Variants in TUBA1C observed in about 807,000 individuals in gnomAD.
TUBA1C encodes the protein tubulin alpha-1C chain.
In TUBA1C, 16 loss-of-function variants were observed where a neutral mutation model predicts 34.9. The ratio of observed to expected loss-of-function variants is 0.46; its 90% CI spans 0.31 to 0.70. The LOEUF (loss-of-function observed/expected upper bound fraction) is 0.70, where lower values mean the gene tolerates loss of function less well. TUBA1C is among the 30% of genes least tolerant of loss of function. The pLI is 0.05. For synonymous variants in TUBA1C, 177 were observed against 215.9 expected (o/e 0.82, Z 1.58); for missense variants, 329 against 587.3 (o/e 0.56, Z 4.55).
intron 1 of TUBA1C, among the ~76,000 whole-genome samples, chr12:49,248,685 A>C (rs2137000549): frequency 6.6e-6 from 1 of 151,200 alleles, no homozygotes; most frequent in South Asian, 2.1e-4. Context: ...AACACAGTGA[A>C]ACTCCGTCTC....
intron 1 of TUBA1C, among the ~76,000 whole-genome samples, chr12:49,244,420 C>T (rs1382265652): frequency 6.6e-6 from 1 of 152,088 alleles, no homozygotes; most frequent in Non-Finnish European, 1.5e-5. Context: ...GAAGAATTTA[C>T]ATCTATAGTC....
intron 3 of TUBA1C, among the ~76,000 whole-genome samples, chr12:49,270,839 C>T (rs181602576): frequency 1.2e-4 from 18 of 152,064 alleles, no homozygotes; most frequent in South Asian, 6.2e-4. Flanking sequence ...ATTAGCCGGG[C>T]GTGGTGGTGG....
intron 1 of TUBA1C, among the ~76,000 whole-genome samples, chr12:49,266,938 C>G (rs990294721): frequency 4.6e-5 from 7 of 152,172 alleles, no homozygotes; most frequent in African/African-American, 2.4e-5. Flanking sequence ...CAAAAAGATA[C>G]TGGTAAAAGT....
chr12:49,239,646 GA>G (rs879574051), intron 1 of TUBA1C, among the ~76,000 whole-genome samples: 3,807 of 115,920 alleles, frequency 0.033, 121 homozygotes, highest in African/African-American at 0.097. Context: ...GTCTCAAAAA[GA>G]AAAAAAAAAA....
upstream of TUBA1C, among the ~76,000 whole-genome samples, chr12:49,261,114 C>T (rs1490218665): frequency 1.3e-5 from 2 of 151,926 alleles, no homozygotes; most frequent in East Asian, 1.9e-4. Context: ...TTTGGGAGGC[C>T]GAGGCAGGCA....
chr12:49,257,735 T>C (rs1036750033), intron 1 of TUBA1C: 2 of 152,998 alleles, frequency 1.3e-5, no homozygotes, highest in African/African-American at 2.4e-5. Flanking sequence ...GTCGTGATCA[T>C]GCCAGCGCAC....
chr12:49,254,708 G>A (rs575284470), intron 1 of TUBA1C, among the ~76,000 whole-genome samples: 2 of 152,024 alleles, frequency 1.3e-5, no homozygotes, highest in Non-Finnish European at 2.9e-5. Flanking sequence ...ACGTAGGCAT[G>A]ATCAGTTTTT....
chr12:49,267,917 T>G (rs1942936605), intron 1 of TUBA1C, among the ~76,000 whole-genome samples: 1 of 152,218 alleles, frequency 6.6e-6, no homozygotes. Context: ...TGACTTATGA[T>G]GAAATGCCAA....
intron 1 of TUBA1C, among the ~76,000 whole-genome samples, chr12:49,243,169 G>C (rs1204840372): frequency 1.3e-5 from 2 of 152,152 alleles, no homozygotes; most frequent in Admixed American, 6.6e-5. Flanking sequence ...GTGCAGGCTG[G>C]TTGCGGTGGC....
chr12:49,264,329 C>T (rs970161856), upstream of TUBA1C, among the ~76,000 whole-genome samples: 14 of 152,146 alleles, frequency 9.2e-5, no homozygotes, highest in Admixed American at 6.5e-4. Flanking sequence ...CGGGAGGAGA[C>T]TGTTAGAAGC....
At chr12:49,264,887 C>T, upstream of TUBA1C, 1 of 230,160 alleles carries the variant, frequency 4.3e-6, no homozygotes. Context: ...GCTCCTGGCT[C>T]CTTCCGACGA....
In TUBA1C at chr12:49,238,550, C is replaced by G. The variant is rs1160186654; in HGVS notation, c.213+10384C>G. Among the ~76,000 whole-genome samples, 7 of 152,264 alleles carry G rather than the reference C, an allele frequency of 4.6e-5. No homozygotes were observed. In the East Asian group the frequency reaches 9.6e-4, roughly 21 times the overall value. On this transcript the variant is annotated intron_variant, in intron 1 of 3. Coordinates refer to the TUBA1C transcript ENST00000541364. ...TTTTTACTGGCTATAAATGAGGGTT[C>G]CCACAACCTCCTCCTTGGGATCAAT... is the stretch of plus-strand genomic sequence containing the variant.
intron 1 of TUBA1C, among the ~76,000 whole-genome samples, chr12:49,231,713 C>CAGAT (rs1418293328): frequency 4.7e-5 from 7 of 148,504 alleles, no homozygotes; most frequent in Admixed American, 2.0e-4. Flanking sequence ...GACAGACAGA[C>CAGAT]AGACAGATAG....
At chr12:49,241,977 A>G (rs1233986202) in intron 1 of TUBA1C, among the ~76,000 whole-genome samples, 3 of 142,738 alleles carry the variant, frequency 2.1e-5, no homozygotes, top group African/African-American at 7.8e-5. Flanking sequence ...CAAAACTTAG[A>G]GCCTTCTTTC....
Position 49,273,197 on chromosome 12 carries a change from T to TGACGGA in TUBA1C, c.1323_1328dup (p.Asp441_Gly442dup), listed in dbSNP as rs1356128424. ...ATGAGGAGGTTGGAGCAGATAGTGC[T>TGACGGA]GACGGAGAGGATGAGGGTGAAGAGT... is the stretch of plus-strand genomic sequence containing the variant. On this transcript the variant is annotated inframe_insertion, in exon 4 of 4. Transcript: ENST00000301072. The TGACGGA allele has an allele frequency of 6.2e-7, 1 of 1,614,270 alleles. No homozygotes were observed. The highest frequency in any genetic ancestry group is 1.6e-4 in the Middle Eastern group (1 of 6,062).
In TUBA1C at chr12:49,268,036, G is replaced by A. The variant is rs574047247; in HGVS notation, c.4-1429G>A. Among the ~76,000 whole-genome samples, 4 of 152,150 alleles carry A rather than the reference G, an allele frequency of 2.6e-5. 1 individual carries two copies. In the South Asian group the frequency reaches 8.3e-4, roughly 32 times the overall value. Reference sequence around the variant, plus strand: ...TAATTTCTAACCATATTCTGCTTTGGCCCCTCTGGCCTTTCTAAATTAACT... The same window carrying A: ...TAATTTCTAACCATATTCTGCTTTGACCCCTCTGGCCTTTCTAAATTAACT... On this transcript the variant is annotated intron_variant, in intron 1 of 3. Coordinates refer to ENST00000301072, the MANE Select transcript of TUBA1C (RefSeq NM_032704.5).
At chr12:49,229,730 G>A (rs906801587) in intron 1 of TUBA1C, among the ~76,000 whole-genome samples, 14 of 151,898 alleles carry the variant, frequency 9.2e-5, no homozygotes, top group Admixed American at 5.3e-4. Context: ...CTTTTTAAGA[G>A]ATAAATGGTG....
chr12:49,260,899 T>C (rs1321869853), upstream of TUBA1C, among the ~76,000 whole-genome samples: 1 of 152,074 alleles, frequency 6.6e-6, no homozygotes, highest in African/African-American at 2.4e-5. Flanking sequence ...CCAGCTAATT[T>C]TTTTTTTAAT....
At chr12:49,230,469 C>G (rs995128359) in intron 1 of TUBA1C, among the ~76,000 whole-genome samples, 3 of 152,182 alleles carry the variant, frequency 2.0e-5, no homozygotes, top group African/African-American at 7.2e-5. Flanking sequence ...GAGCATTTAC[C>G]TTTTTCTTGA....
Sources: gnomAD v4.1 joint callset for allele counts (sites outside exome capture counted in the v4.1 genomes callset) on GRCh38, gnomAD v4.1.1 for gene constraint, MANE v1.5 for transcripts, NCBI Gene and HGNC (gene_info 2026-07-23, HGNC 2026-07-21) for gene names.